The following ZNF480 variants were observed in gnomAD, a reference collection of about 807,000 sequenced individuals.
ZNF480 encodes zinc finger protein 480.
A neutral mutation model predicts 14.4 loss-of-function variants in ZNF480; 15 were observed. The observed-to-expected ratio is 1.04, with a 90% CI of 0.70 to 1.60. ZNF480 has a LOEUF of 1.60. Among genes scored for constraint, ZNF480 ranks in the 40% most tolerant of loss-of-function variants. The probability of loss-of-function intolerance (pLI) is 0.00; values close to 1 mark genes in which losing one functional copy is unlikely to be tolerated. For synonymous variants in ZNF480, 218 were observed against 215.5 expected (o/e 1.01, Z -0.10); for missense variants, 593 against 629.7 (o/e 0.94, Z 0.62).
chr19:52,321,079 C>G (rs1326384485), intron 4 of ZNF480, among the ~76,000 whole-genome samples: 2 of 152,088 alleles, frequency 1.3e-5, no homozygotes, highest in African/African-American at 4.8e-5. Flanking sequence ...TCTTTCCTTT[C>G]ATAGGCCTTG....
At chr19:52,304,880 C>T (rs996011227) in intron 2 of ZNF480, among the ~76,000 whole-genome samples, 8 of 151,986 alleles carry the variant, frequency 5.3e-5, no homozygotes, top group South Asian at 4.2e-4. Context: ...GGGTTGATCA[C>T]GAGGTCAGGA....
At position 52,324,393 on chromosome 19, in the gene ZNF480, A is replaced by G. The variant is rs1030750342; in HGVS notation, c.*1535A>G. The G allele has an allele frequency of 3.3e-5, 5 of 152,218 alleles. No individual in the cohort carries two copies. In the South Asian group the frequency reaches 8.3e-4, roughly 25 times the overall value. The allele number at this position is 152,218 out of a possible 1,614,324, so 9.4% of individuals were successfully genotyped here. ...AATTTACAGAGCCAATGCTATTTCT[A>G]TCAAACTACCAATGGCATTTTTCAC... On this transcript the variant is annotated 3_prime_UTR_variant, in exon 5 of 5. Transcript: ENST00000595962.
intron 4 of ZNF480, among the ~76,000 whole-genome samples, chr19:52,318,929 T>A (rs1162937977): frequency 6.6e-6 from 1 of 152,014 alleles, no homozygotes; most frequent in Non-Finnish European, 1.5e-5. Context: ...AGCAGTGAGA[T>A]CTTGGCTCAC....
rs760991794 is a variant in ZNF480, at chr19:52,322,035, A to G, written c.785A>G (p.Asn262Ser). 7 of 1,614,092 alleles carry G rather than the reference A, an allele frequency of 4.3e-6. No homozygotes were observed. The South Asian group carries it at 5.5e-5, about 13-fold the overall frequency. ...ACTGGAGAGAAACCTTACAAATGTA[A>G]TGTCTGTGGCAAGGTTTTTAGTTAC... ...IHTGEKPYKCNVCGKVFSYNS... is the reference protein window; with the variant it reads ...IHTGEKPYKCSVCGKVFSYNS... The change falls in exon 5 of 5, where the codon AAT becomes AGT. Residue 262 changes from asparagine to serine, a missense_variant. Coordinates refer to ENST00000595962, the MANE Select transcript of ZNF480 (RefSeq NM_144684.4).
intron 2 of ZNF480, among the ~76,000 whole-genome samples, chr19:52,308,965 A>G (rs1983133611): frequency 1.3e-5 from 2 of 152,162 alleles, no homozygotes; most frequent in African/African-American, 4.8e-5. Context: ...TGTCTATGTG[A>G]CATGTAAATA....
At chr19:52,312,517 CTTAGGT>C (rs1232841926) in intron 2 of ZNF480, among the ~76,000 whole-genome samples, 1 of 152,078 alleles carries the variant, frequency 6.6e-6, no homozygotes, top group African/African-American at 2.4e-5. Flanking sequence ...TAACTTTTTT[CTTAGGT>C]AATTGTCAAT....
At chr19:52,319,449 A>T (rs1327141579) in intron 4 of ZNF480, among the ~76,000 whole-genome samples, 1 of 152,174 alleles carries the variant, frequency 6.6e-6, no homozygotes, top group African/African-American at 2.4e-5. Context: ...GAAAGTACAT[A>T]GTCTTATACC....
intron 4 of ZNF480, among the ~76,000 whole-genome samples, chr19:52,316,374 C>T (rs1389864187): frequency 6.6e-6 from 1 of 152,024 alleles, no homozygotes. Flanking sequence ...TTATGGTCAC[C>T]TGCACCATGC....
chr19:52,323,147 C>G lies in ZNF480; in HGVS notation c.*289C>G. 1 of 279,560 alleles carries G rather than the reference C, an allele frequency of 3.6e-6. No individual in the cohort carries two copies. The highest frequency in any genetic ancestry group is 6.7e-6 in the Non-Finnish European group (1 of 149,986). The allele number at this position is 279,560 out of a possible 1,614,324, so 17.3% of individuals were successfully genotyped here. A position where few individuals can be genotyped will look rare whatever the true frequency, so the allele number is the denominator to read the frequency against. ...CATTACCACCAACCCCACAGAAATA[C>G]GAAAAACCCTCAAAGATTACTATAA... On this transcript the variant is annotated 3_prime_UTR_variant, in exon 5 of 5. Coordinates refer to ENST00000595962, the MANE Select transcript of ZNF480 (RefSeq NM_144684.4).
In ZNF480 at chr19:52,314,139, G is replaced by A. The variant is rs1983428085; in HGVS notation, c.73-14G>A. On this transcript the variant is annotated splice_polypyrimidine_tract_variant and intron_variant, in intron 2 of 4. Transcript: ENST00000595962. ...TTTACATATCCTGTTGGTGAAATGT[G>A]GTTTTCATTTTAGGGACACTTAACA... 4 of 1,551,424 alleles carry A rather than the reference G, an allele frequency of 2.6e-6. No homozygotes were observed. The African/African-American group carries it at 5.5e-5, about 21-fold the overall frequency.
At chr19:52,316,008 C>CTT (rs568704933) in intron 4 of ZNF480, 46 bp downstream of exon 4, 2 of 1,469,398 alleles carry the variant, frequency 1.4e-6, no homozygotes, top group African/African-American at 2.9e-5. Context: ...GTTGTTTGGG[C>CTT]TTTTTTTTTG....
chr19:52,299,288 A>G (rs762093330), intron 1 of ZNF480, among the ~76,000 whole-genome samples: 3 of 152,174 alleles, frequency 2.0e-5, no homozygotes, highest in Admixed American at 1.3e-4. Flanking sequence ...TATCTGATGA[A>G]CAAAATGTGT....
intron 2 of ZNF480, 193 bp from the exon 3 acceptor site, chr19:52,313,958 AAC>A: frequency 2.1e-6 from 1 of 467,236 alleles, no homozygotes; most frequent in East Asian, 7.3e-5. Context: ...CAGCCTGGGC[AAC>A]AGAGTAAGAC....
rs139533207 is a variant in ZNF480, at chr19:52,322,540, T to C, written c.1290T>C (p.Asn430=). ...IHTGEKPYKC[N]ECGKAFSEYS... The stretch of plus-strand genomic sequence containing the variant: ...CTGGAGAGAAGCCTTACAAATGTAA[T>C]GAATGTGGTAAAGCATTTAGTGAGT... Residue 430 remains asparagine, a synonymous_variant, in exon 5 of 5, where the codon AAT becomes AAC. Transcript: ENST00000595962. 2.4e-4 allele frequency: 395 copies of C among 1,613,964 alleles called. No homozygotes were observed. Among genetic ancestry groups the C allele is most frequent in the Admixed American group, 4.7e-4 (28 of 59,980 alleles).
chr19:52,305,357 A>G (rs913621198), intron 2 of ZNF480, among the ~76,000 whole-genome samples: 5 of 152,108 alleles, frequency 3.3e-5, no homozygotes, highest in African/African-American at 1.2e-4. Context: ...TAGGATGTTT[A>G]TTAGTAATTT....
chr19:52,299,238 C>T (rs1428651184), intron 1 of ZNF480, among the ~76,000 whole-genome samples: 1 of 152,162 alleles, frequency 6.6e-6, no homozygotes, highest in Non-Finnish European at 1.5e-5. Flanking sequence ...CCTACTCTTG[C>T]AGTCAACACA....
At chr19:52,302,257 G>C (rs564097793) in intron 2 of ZNF480, 1 of 159,116 alleles carries the variant, frequency 6.3e-6, no homozygotes, top group Non-Finnish European at 1.4e-5. Context: ...TGTAAATGCT[G>C]TTCAGCTGCT....
In ZNF480 at chr19:52,324,945, CTAAA is replaced by C. The variant is rs1160772440; in HGVS notation, c.*2091_*2094del. 6.6e-6 allele frequency: 1 copy of C among 152,158 alleles called. No homozygotes were observed. The highest frequency in any genetic ancestry group is 1.5e-5 in the Non-Finnish European group (1 of 68,020). 9.4% of individuals were successfully genotyped at this position (152,158 alleles called of 1,614,324 possible). On this transcript the variant is annotated 3_prime_UTR_variant, in exon 5 of 5. Transcript: ENST00000595962. ...AATTGACAAGTGGGACCTAATTAAA[CTAAA>C]TAACTTCTGCACAGCAAAAGAAGCT...
At chr19:52,320,748 A>G (rs321902) in intron 4 of ZNF480, among the ~76,000 whole-genome samples, 117,060 of 152,110 alleles carry the variant, frequency 0.77, 46,262 homozygotes, top group African/African-American at 0.95. Flanking sequence ...CTGAGATTGC[A>G]TCATTGTACT....
Sources: allele counts gnomAD v4.1 joint callset (sites outside exome capture counted in the v4.1 genomes callset), GRCh38; gene constraint gnomAD v4.1.1; transcripts MANE v1.5; gene names NCBI Gene and HGNC (gene_info 2026-07-23, HGNC 2026-07-21).